ISM1: variants seen among roughly 807,000 people sequenced by gnomAD.
ISM1 encodes isthmin-1.
ISM1 carries 25 observed loss-of-function variants against 46.3 expected under a neutral mutation model. The observed-to-expected ratio is 0.54, with a 90% CI of 0.39 to 0.75. The LOEUF is 0.75. ISM1 is among the 30% of genes least tolerant of loss of function. The probability of loss-of-function intolerance (pLI) is 0.00; values close to 1 mark genes in which losing one functional copy is unlikely to be tolerated. For missense variants in ISM1, 536 were observed against 625.4 expected, an observed-to-expected ratio of 0.86 and a Z score of 1.52; for synonymous variants, 255 against 256.7, an observed-to-expected ratio of 0.99 and a Z score of 0.06.
chr20:13,256,615 TG>T (rs1169322910), intron 1 of ISM1, among the ~76,000 whole-genome samples: 3 of 152,124 alleles, frequency 2.0e-5, no homozygotes, highest in African/African-American at 7.2e-5. Context: ...ATCCTCAAGG[TG>T]GACCTTTTTG....
At chr20:13,246,737 T>A (rs78722938) in intron 1 of ISM1, among the ~76,000 whole-genome samples, 5,525 of 152,336 alleles carry the variant, frequency 0.036, 168 homozygotes, top group African/African-American at 0.077. Context: ...CCTGGCCTTA[T>A]AAGAAGAAAG....
Position 13,221,552 on chromosome 20 carries a change from TGCGGCG to T in ISM1, c.-206_-201del, listed in dbSNP as rs911571992. Among the ~76,000 whole-genome samples, 11 of 141,586 alleles carry T rather than the reference TGCGGCG, an allele frequency of 7.8e-5. No homozygotes were observed. Among genetic ancestry groups the T allele is most frequent in the South Asian group, 4.5e-4 (2 of 4,462 alleles). 92.9% of individuals were successfully genotyped at this position (141,586 alleles called of 152,430 possible). On this transcript the variant is annotated 5_prime_UTR_variant, in exon 1 of 6. Coordinates refer to ENST00000262487, the MANE Select transcript of ISM1 (RefSeq NM_080826.2). ...CGGCCTCGCGGTGGCTCCGCCGTGGTGCGGCGGCGGCGGCGGCGGCGGCGCCGGCAG... is the reference window on the plus strand; with the variant it reads ...CGGCCTCGCGGTGGCTCCGCCGTGGTGCGGCGGCGGCGGCGGCGCCGGCAG...
chr20:13,230,601 G>A (rs567257513), intron 1 of ISM1, among the ~76,000 whole-genome samples: 1 of 151,950 alleles, frequency 6.6e-6, no homozygotes, highest in Non-Finnish European at 1.5e-5. Flanking sequence ...AAGCCCCTTA[G>A]GTCCTCAATG....
chr20:13,298,095 TTTA>T (rs1386305491), intron 5 of ISM1, among the ~76,000 whole-genome samples: 2 of 152,128 alleles, frequency 1.3e-5, no homozygotes, highest in African/African-American at 2.4e-5. Flanking sequence ...ATTTTTTATT[TTTA>T]TTATTGATTT....
At chr20:13,312,419 C>G in the ISM1 span, among the ~76,000 whole-genome samples, 1 of 152,184 alleles carries the variant, frequency 6.6e-6, no homozygotes. Flanking sequence ...TTGCTGGTTC[C>G]TCCAAGAGAT....
In ISM1 at chr20:13,274,524, C is replaced by T. The variant is rs114112067; in HGVS notation, c.378+3781C>T. Among the ~76,000 whole-genome samples, 1,297 of 152,256 alleles carry T rather than the reference C, an allele frequency of 8.5e-3. 13 individuals carry two copies. Among genetic ancestry groups the T allele is most frequent in the African/African-American group, 0.029 (1,219 of 41,534 alleles). On this transcript the variant is annotated intron_variant, in intron 2 of 5. Coordinates refer to ENST00000262487, the MANE Select transcript of ISM1 (RefSeq NM_080826.2). ...CTGGGAGCTGAATGGGAACTTGATA[C>T]CCGCCTTCCCCTCCGCACCTCCCCA...
chr20:13,227,592 T>G (rs2039541208), intron 1 of ISM1, among the ~76,000 whole-genome samples: 1 of 150,360 alleles, frequency 6.7e-6, no homozygotes, highest in South Asian at 2.1e-4. Flanking sequence ...CACTTCAAAC[T>G]CTGCCTCCTG....
intron 1 of ISM1, among the ~76,000 whole-genome samples, chr20:13,234,973 C>T (rs1327078487): frequency 6.6e-6 from 1 of 152,172 alleles, no homozygotes; most frequent in African/African-American, 2.4e-5. Context: ...GTTTGAGAAA[C>T]ACTGGTCTAC....
intron 4 of ISM1, 123 bp from the exon 5 acceptor site, chr20:13,292,251 C>T: frequency 1.6e-6 from 1 of 639,304 alleles, no homozygotes; most frequent in Non-Finnish European, 2.8e-6. Context: ...CAAGTTTCTG[C>T]CCGTGAGTAG....
chr20:13,259,537 G>C (rs1023724197), intron 1 of ISM1, among the ~76,000 whole-genome samples: 1 of 152,100 alleles, frequency 6.6e-6, no homozygotes, highest in Non-Finnish European at 1.5e-5. Context: ...GAAAGAAAAG[G>C]AAGATGCTAA....
At chr20:13,247,557 T>TGTAG (rs1555810272) in intron 1 of ISM1, among the ~76,000 whole-genome samples, 16 of 147,028 alleles carry the variant, frequency 1.1e-4, no homozygotes, top group Non-Finnish European at 1.9e-4. Flanking sequence ...TGTGTGTGTG[T>TGTAG]GTAGGTAGGT....
intron 3 of ISM1, among the ~76,000 whole-genome samples, chr20:13,281,901 C>A (rs2040242343): frequency 6.6e-6 from 1 of 152,164 alleles, no homozygotes; most frequent in African/African-American, 2.4e-5. Context: ...AATGCCAATT[C>A]TGGGCTGCAG....
chr20:13,244,963 G>A (rs1350201909), intron 1 of ISM1, among the ~76,000 whole-genome samples: 5 of 152,210 alleles, frequency 3.3e-5, no homozygotes, highest in Non-Finnish European at 7.3e-5. Context: ...AAAGAAAGGA[G>A]TGGTGGAGAG....
At chr20:13,280,446 G>A (rs572900469) in intron 3 of ISM1, among the ~76,000 whole-genome samples, 15 of 150,478 alleles carry the variant, frequency 1.0e-4, no homozygotes, top group African/African-American at 3.2e-4. Flanking sequence ...GGTTTCCTGT[G>A]TTTTGGGAGT....
At chr20:13,316,270 A>G in the ISM1 span, among the ~76,000 whole-genome samples, 1 of 152,006 alleles carries the variant, frequency 6.6e-6, no homozygotes, top group African/African-American at 2.4e-5. Flanking sequence ...GAAAAGGTCT[A>G]TATCTATTAA....
intron 1 of ISM1, among the ~76,000 whole-genome samples, chr20:13,245,900 C>G (rs6109773): frequency 0.15 from 22,722 of 152,120 alleles, 1,749 homozygotes; most frequent in East Asian, 0.24. Flanking sequence ...TAGACTCTCA[C>G]TATTCCTTGT....
At chr20:13,275,373 G>A (rs575300572) in intron 2 of ISM1, among the ~76,000 whole-genome samples, 1 of 152,100 alleles carries the variant, frequency 6.6e-6, no homozygotes, top group African/African-American at 2.4e-5. Flanking sequence ...ACTTTTAGAG[G>A]AATGGCAGGT....
At chr20:13,272,068 C>T (rs1316277942) in intron 2 of ISM1, among the ~76,000 whole-genome samples, 1 of 152,200 alleles carries the variant, frequency 6.6e-6, no homozygotes, top group East Asian at 1.9e-4. Flanking sequence ...TATGAGCCAC[C>T]ACAGCCAGCC....
At chr20:13,225,089 A>G (rs6109762) in intron 1 of ISM1, among the ~76,000 whole-genome samples, 55,545 of 150,124 alleles carry the variant, frequency 0.37, 10,363 homozygotes, top group South Asian at 0.44. Context: ...TCCTGACCTC[A>G]TGATCCGCCC....
Sources: gnomAD v4.1 joint callset for allele counts (sites outside exome capture counted in the v4.1 genomes callset) on GRCh38, gnomAD v4.1.1 for gene constraint, MANE v1.5 for transcripts, NCBI Gene and HGNC (gene_info 2026-07-23, HGNC 2026-07-21) for gene names.